GRID2: variants seen among roughly 807,000 people sequenced by gnomAD.
The protein encoded by GRID2 is glutamate receptor ionotropic, delta-2.
A neutral mutation model predicts 114.8 loss-of-function variants in GRID2; 33 were observed. The observed-to-expected ratio is 0.29, with a 90% CI of 0.22 to 0.38. The LOEUF (loss-of-function observed/expected upper bound fraction) is 0.38. Ranked by LOEUF, GRID2 falls within the 10% of genes least tolerant of loss-of-function variation. The pLI, the probability that GRID2 is intolerant of heterozygous loss-of-function variation, is 1.00. For missense variants in GRID2, 1,184 were observed against 1,257.7 expected (o/e 0.94, Z 0.89); for synonymous variants, 505 against 449.9 (o/e 1.12, Z -1.55).
intron 1 of GRID2, among the ~76,000 whole-genome samples, chr4:92,365,356 A>G (rs1037997441): frequency 6.6e-6 from 1 of 152,114 alleles, no homozygotes; most frequent in African/African-American, 2.4e-5. Flanking sequence ...AGAGAACATT[A>G]TGCTAAGTGA....
intron 1 of GRID2, among the ~76,000 whole-genome samples, chr4:92,345,347 C>G (rs2110171585): frequency 6.6e-6 from 1 of 152,298 alleles, no homozygotes; most frequent in East Asian, 1.9e-4. Context: ...TTTTCTTTAT[C>G]CACTTTTTGG....
chr4:93,782,375 G>GA (rs1379919360), intron 1 of GRID2, among the ~76,000 whole-genome samples: 2 of 152,062 alleles, frequency 1.3e-5, no homozygotes, highest in Non-Finnish European at 2.9e-5. Flanking sequence ...CAATATACTT[G>GA]ACACTACAAA....
intron 13 of GRID2, among the ~76,000 whole-genome samples, chr4:93,534,810 C>A (rs879651744): frequency 3.3e-5 from 5 of 150,546 alleles, no homozygotes; most frequent in Non-Finnish European, 7.4e-5. Context: ...TTACCACAAC[C>A]AAGCTAACTA....
intron 1 of GRID2, among the ~76,000 whole-genome samples, chr4:92,484,154 A>C (rs912590852): frequency 3.3e-5 from 5 of 152,168 alleles, no homozygotes; most frequent in African/African-American, 1.2e-4. Flanking sequence ...TTTAACTGAC[A>C]ATAGTTGCTA....
At chr4:93,776,829 T>C (rs893707), downstream of GRID2, among the ~76,000 whole-genome samples, 135,265 of 152,236 alleles carry the variant, frequency 0.89, 60,125 homozygotes, top group East Asian at 0.98. Context: ...TTATTGATAC[T>C]TGCATACCAT....
At chr4:93,202,599 G>A (rs1205186051) in intron 4 of GRID2, among the ~76,000 whole-genome samples, 1 of 152,094 alleles carries the variant, frequency 6.6e-6, no homozygotes, top group Non-Finnish European at 1.5e-5. Context: ...TAGCCCTCAA[G>A]TTAGTAATGC....
At chr4:92,468,824 C>T (rs958365913) in intron 1 of GRID2, among the ~76,000 whole-genome samples, 16 of 152,034 alleles carry the variant, frequency 1.1e-4, no homozygotes, top group African/African-American at 3.6e-4. Context: ...TGGACATGAA[C>T]GAAGAAGAAG....
intron 5 of GRID2, among the ~76,000 whole-genome samples, chr4:93,213,070 G>A (rs1410928472): frequency 6.6e-6 from 1 of 152,116 alleles, no homozygotes; most frequent in Non-Finnish European, 1.5e-5. Context: ...ACCGTGCCTG[G>A]CCAGTTTGGG....
At chr4:92,338,646 A>G (rs1727313405) in intron 1 of GRID2, among the ~76,000 whole-genome samples, 1 of 152,124 alleles carries the variant, frequency 6.6e-6, no homozygotes, top group Non-Finnish European at 1.5e-5. Context: ...TATCTAAAAC[A>G]TTGTATGGTA....
At chr4:92,943,984 G>GTC (rs1257946438) in intron 2 of GRID2, among the ~76,000 whole-genome samples, 1 of 152,174 alleles carries the variant, frequency 6.6e-6, no homozygotes, top group African/African-American at 2.4e-5. Flanking sequence ...TGAGGTATCA[G>GTC]TCTGCCCCTA....
chr4:93,561,898 A>T (rs941939187), intron 13 of GRID2, among the ~76,000 whole-genome samples: 3 of 152,058 alleles, frequency 2.0e-5, no homozygotes, highest in Admixed American at 2.0e-4. Flanking sequence ...CATTATCTGG[A>T]TGTACAACAG....
chr4:92,769,483 G>T (rs138644478), intron 2 of GRID2, among the ~76,000 whole-genome samples: 11 of 152,292 alleles, frequency 7.2e-5, no homozygotes, highest in Admixed American at 2.0e-4. Context: ...CCCCAGTGGG[G>T]ACTCTGTATG....
Position 92,938,008 on chromosome 4 carries a change from G to C in GRID2, c.245-146987G>C, listed in dbSNP as rs986217294. Among the ~76,000 whole-genome samples, 4 of 146,452 alleles carry C rather than the reference G, an allele frequency of 2.7e-5. 1 individual carries two copies. Among genetic ancestry groups the C allele is most frequent in the Non-Finnish European group, 6.0e-5 (4 of 66,138 alleles). ...CCACAAATGCCCTTTATTATGTTGA[G>C]GAAGCTTCTTTTAATTTTCAGACTT... On this transcript the variant is annotated intron_variant, in intron 2 of 15. Coordinates refer to ENST00000282020, the MANE Select transcript of GRID2 (RefSeq NM_001510.4).
intron 13 of GRID2, among the ~76,000 whole-genome samples, chr4:93,516,329 T>G (rs1167274240): frequency 6.6e-6 from 1 of 152,128 alleles, no homozygotes; most frequent in Admixed American, 6.6e-5. Context: ...GGTTCCAGCA[T>G]TATTCTCTGC....
intron 2 of GRID2, among the ~76,000 whole-genome samples, chr4:92,974,579 T>A (rs527526833): frequency 6.6e-6 from 1 of 151,736 alleles, no homozygotes; most frequent in Admixed American, 6.6e-5. Context: ...CAGCAAACTA[T>A]CACAAGATCA....
chr4:93,699,717 G>A (rs538015555), intron 14 of GRID2, among the ~76,000 whole-genome samples: 1 of 152,034 alleles, frequency 6.6e-6, no homozygotes. Context: ...CCTGAAATAG[G>A]AAAAGTTAAA....
intron 1 of GRID2, among the ~76,000 whole-genome samples, chr4:92,545,616 A>G (rs538773792): frequency 1.3e-5 from 2 of 152,334 alleles, no homozygotes; most frequent in East Asian, 1.9e-4. Context: ...AAGTTCTAGA[A>G]TTTAAAAGGT....
At chr4:93,078,485 T>C (rs981296142) in intron 2 of GRID2, among the ~76,000 whole-genome samples, 8 of 151,322 alleles carry the variant, frequency 5.3e-5, no homozygotes, top group African/African-American at 1.9e-4. Context: ...ATACATTTTA[T>C]ATATATAATA....
At chr4:93,624,111 A>G (rs1450746204) in intron 13 of GRID2, among the ~76,000 whole-genome samples, 1 of 152,178 alleles carries the variant, frequency 6.6e-6, no homozygotes, top group Non-Finnish European at 1.5e-5. Context: ...TATTTAATGT[A>G]CATAGATATT....
Sources: gnomAD v4.1 joint callset for allele counts (sites outside exome capture counted in the v4.1 genomes callset) on GRCh38, gnomAD v4.1.1 for gene constraint, MANE v1.5 for transcripts, NCBI Gene and HGNC (gene_info 2026-07-23, HGNC 2026-07-21) for gene names.